The following SYNE1 variants were observed in gnomAD, a reference collection of about 807,000 sequenced individuals.
The protein encoded by SYNE1 is nesprin-1.
SYNE1 carries 616 observed loss-of-function variants against 1,111.0 expected under a neutral mutation model. The observed-to-expected ratio is 0.55, with a 90% confidence interval of 0.52 to 0.59. The LOEUF is 0.59. Among genes scored for constraint, SYNE1 ranks in the 20% least tolerant of loss-of-function variants. The probability of loss-of-function intolerance (pLI) is 0.00; values close to 1 mark genes in which losing one functional copy is unlikely to be tolerated. For missense variants in SYNE1, 10,006 were observed against 10,417.0 expected, an observed-to-expected ratio of 0.96 and a Z score of 1.72; for synonymous variants, 3,855 against 3,825.8, an observed-to-expected ratio of 1.01 and a Z score of -0.28.
chr6:152,182,417 C>T (rs532259077), intron 128 of SYNE1, among the ~76,000 whole-genome samples: 2 of 152,194 alleles, frequency 1.3e-5, no homozygotes, highest in South Asian at 4.1e-4. Flanking sequence ...TTATTTTACC[C>T]CCAACATTTT....
chr6:152,313,966 TC>T (rs1330142869), intron 87 of SYNE1, among the ~76,000 whole-genome samples: 1 of 152,168 alleles, frequency 6.6e-6, no homozygotes, highest in Admixed American at 6.5e-5. Context: ...TCCCTGTCTT[TC>T]ATCGTTGACT....
chr6:152,306,773 A>G (rs1002968541), intron 91 of SYNE1, among the ~76,000 whole-genome samples: 2 of 151,530 alleles, frequency 1.3e-5, no homozygotes, highest in African/African-American at 4.8e-5. Flanking sequence ...CGTAGTCCCA[A>G]ATACTTGGAG....
In SYNE1 at chr6:152,183,761, A is replaced by G. The variant is rs546580868; in HGVS notation, c.23302-3467T>C. On this transcript the variant is annotated intron_variant, in intron 128 of 145. Coordinates refer to ENST00000367255, the MANE Select transcript of SYNE1 (RefSeq NM_182961.4). ...CCAAAATAGAAAAATATTACCTATT[A>G]CTTTCATAGGTAAGTATTATTATCC... Among the ~76,000 whole-genome samples, 42 of 152,300 alleles carry G rather than the reference A, an allele frequency of 2.8e-4. No homozygotes were observed. The South Asian group carries it at 8.5e-3, about 31-fold the overall frequency.
In SYNE1 at chr6:152,269,278, T is replaced by G. The variant is rs373704435; in HGVS notation, c.18582A>C (p.Ala6194=). The G allele has an allele frequency of 1.4e-5, 22 of 1,614,054 alleles. No homozygotes were observed. Among genetic ancestry groups the G allele is most frequent in the Non-Finnish European group, 1.8e-5 (21 of 1,180,046 alleles). ...HDKQLNMQGT[A]QEKEESDVDL... is the part of the protein sequence containing the mutation. ...CAACATCGCTCTCCTCCTTCTCCTG[T>G]GCTGTTCCCTGCTTTTAACGAGGCA... The change falls in exon 99 of 146, where the codon GCA becomes GCC. Residue 6194 remains alanine (A), a synonymous_variant. Transcript: ENST00000367255.
At chr6:152,511,456 A>G (rs1020536969) in intron 6 of SYNE1, 9 of 905,254 alleles carry the variant, frequency 9.9e-6, no homozygotes, top group Non-Finnish European at 1.6e-5. Context: ...AGAAACTGCA[A>G]TGAGAAGTTT....
intron 16 of SYNE1, among the ~76,000 whole-genome samples, chr6:152,467,310 T>C (rs887403148): frequency 1.3e-5 from 2 of 152,098 alleles, no homozygotes; most frequent in African/African-American, 4.8e-5. Flanking sequence ...GCCTTATATC[T>C]TCTTATTACA....
intron 3 of SYNE1, among the ~76,000 whole-genome samples, chr6:152,603,879 TCTATACATGCATGTATAG>T (rs2099603213): frequency 6.8e-6 from 1 of 147,066 alleles, no homozygotes; most frequent in Admixed American, 6.8e-5. Flanking sequence ...ATACTATCTA[TCTATACATGCATGTATAG>T]ATAGATATAC....
chr6:152,511,536 A>AATCAGGAGT (rs768457256), intron 6 of SYNE1: 1 of 1,604,250 alleles, frequency 6.2e-7, no homozygotes, highest in Admixed American at 1.7e-5. Context: ...TACCTATAAA[A>AATCAGGAGT]ATCAGGAGTT....
rs534246026 is a variant in SYNE1, at chr6:152,148,939, A to T, written c.24642+538T>A. Among the ~76,000 whole-genome samples the T allele has an allele frequency of 3.9e-5, 6 of 152,290 alleles. No individual in the cohort carries two copies. The highest frequency in any genetic ancestry group is 1.4e-4 in the African/African-American group (6 of 41,550). On this transcript the variant is annotated intron_variant, in intron 136 of 145. Transcript: ENST00000367255. This position sits in a 1 kb window ranked among gnomAD's most constrained non-coding sequence, Gnocchi z 4.1. The stretch of plus-strand genomic sequence containing the variant: ...TATAAAATAGGTTTGATCGTAGAAG[A>T]TTCCAAATACTCTAATAACATCTCT...
intron 11 of SYNE1, among the ~76,000 whole-genome samples, chr6:152,492,977 C>T (rs1027873253): frequency 2.0e-5 from 3 of 152,116 alleles, no homozygotes; most frequent in African/African-American, 7.2e-5. Flanking sequence ...TAGATCAAGA[C>T]ATTTTAAGTG....
chr6:152,579,367 C>A (rs376957294), intron 3 of SYNE1, among the ~76,000 whole-genome samples: 28 of 152,330 alleles, frequency 1.8e-4, no homozygotes, highest in African/African-American at 6.7e-4. Context: ...TGTGAGGATA[C>A]CCAGGCCACA....
At chr6:152,566,577 C>T (rs1220166164) in intron 3 of SYNE1, among the ~76,000 whole-genome samples, 1 of 152,070 alleles carries the variant, frequency 6.6e-6, no homozygotes, top group Non-Finnish European at 1.5e-5. Context: ...GCATTTTTGG[C>T]ACAAAATCTT....
At chr6:152,140,562 G>A (rs1454657921) in intron 139 of SYNE1, among the ~76,000 whole-genome samples, 1 of 152,204 alleles carries the variant, frequency 6.6e-6, no homozygotes, top group Non-Finnish European at 1.5e-5. Flanking sequence ...AGCTGGGGTG[G>A]TAGTGCGCGC....
At chr6:152,567,223 T>C (rs1762079197) in intron 3 of SYNE1, among the ~76,000 whole-genome samples, 1 of 152,186 alleles carries the variant, frequency 6.6e-6, no homozygotes, top group African/African-American at 2.4e-5. Flanking sequence ...TCGCAGGACC[T>C]CCTTCTTTTT....
intron 128 of SYNE1, among the ~76,000 whole-genome samples, chr6:152,183,749 A>T (rs532783792): frequency 6.6e-6 from 1 of 152,326 alleles, no homozygotes; most frequent in Admixed American, 6.5e-5. Context: ...AAATAGAAAA[A>T]TATTACCTAT....
chr6:152,286,927 G>A (rs1021926154), intron 95 of SYNE1, among the ~76,000 whole-genome samples: 6 of 152,256 alleles, frequency 3.9e-5, no homozygotes, highest in East Asian at 1.9e-4. Context: ...GAATACATTC[G>A]CATACGTTAT....
rs141141950 is a variant in SYNE1 at position 152,330,594 on chromosome 6, C to A, written c.14091G>T (p.Met4697Ile). The change falls in exon 78 of 146, where the codon ATG (methionine) becomes ATT (isoleucine). Residue 4697 changes from methionine to isoleucine, a missense_variant. By Grantham distance (10) the Met-to-Ile change is conservative. Around this residue, in one of 7 missense-constraint regions of SYNE1, gnomAD observed 4,955 missense variants for 5,017.2 expected, o/e 0.99. Transcript: ENST00000367255. ...CGGCCAGGTCGGTGGGAACTTTGCTCATCCTCAAGAATTGGGCTTCAAGTT... is the reference window on the plus strand; with the variant it reads ...CGGCCAGGTCGGTGGGAACTTTGCTAATCCTCAAGAATTGGGCTTCAAGTT... ...LSELEAQFLRMSKVPTDLAVE... is the reference protein window; with the variant it reads ...LSELEAQFLRISKVPTDLAVE... The A allele has an allele frequency of 4.5e-4, 732 of 1,613,672 alleles. 1 individual carries two copies. The African/African-American group carries it at 8.6e-3, about 19-fold the overall frequency.
chr6:152,171,411 G>A (rs1357866684), intron 130 of SYNE1, among the ~76,000 whole-genome samples: 1 of 152,206 alleles, frequency 6.6e-6, no homozygotes, highest in African/African-American at 2.4e-5. Context: ...AAAGAACAAG[G>A]TCAGGGGCTG....
chr6:152,382,790 T>A (rs2154118469), intron 55 of SYNE1, among the ~76,000 whole-genome samples: 1 of 152,366 alleles, frequency 6.6e-6, no homozygotes, highest in African/African-American at 2.4e-5. Context: ...TATCCCAATT[T>A]TCCTTAGCAT....
Sources: allele counts gnomAD v4.1 joint callset (sites outside exome capture counted in the v4.1 genomes callset), GRCh38; gene constraint gnomAD v4.1.1; regional missense constraint gnomAD v4.1.1; non-coding constraint Gnocchi (gnomAD v3.1); transcripts MANE v1.5; gene names NCBI Gene and HGNC (gene_info 2026-07-23, HGNC 2026-07-21).